ZFPM2: variants seen among roughly 807,000 people sequenced by gnomAD.
ZFPM2 encodes zinc finger protein, FOG family member 2.
Under a neutral mutation model 98.6 loss-of-function variants are expected in ZFPM2, and 20 were observed. That is an observed-to-expected ratio of 0.20 (90% confidence interval 0.14 to 0.29). The LOEUF is 0.29. ZFPM2 is among the 10% of genes least tolerant of loss of function. The probability of loss-of-function intolerance (pLI) is 1.00; values close to 1 mark genes in which losing one functional copy is unlikely to be tolerated. For missense variants in ZFPM2, 1,310 were observed against 1,388.6 expected (o/e 0.94, Z 0.90); for synonymous variants, 518 against 502.7 (o/e 1.03, Z -0.41).
chr8:105,337,862 C>T (rs1357511649), intron 1 of ZFPM2, among the ~76,000 whole-genome samples: 1 of 151,404 alleles, frequency 6.6e-6, no homozygotes, highest in Non-Finnish European at 1.5e-5. Context: ...AGTTATATTA[C>T]AACTTCACAT....
chr8:105,455,815 A>G (rs929954483), intron 3 of ZFPM2, among the ~76,000 whole-genome samples: 11 of 152,206 alleles, frequency 7.2e-5, no homozygotes, highest in African/African-American at 2.7e-4. Context: ...GATGAGTTGG[A>G]TTTTTAATAT....
intron 5 of ZFPM2, among the ~76,000 whole-genome samples, chr8:105,672,300 CTG>C (rs1369657148): frequency 6.6e-6 from 1 of 151,564 alleles, no homozygotes; most frequent in African/African-American, 2.4e-5. Flanking sequence ...TTGATTAACA[CTG>C]TATTACATTT....
At chr8:105,396,157 G>A (rs1811214383) in intron 1 of ZFPM2, among the ~76,000 whole-genome samples, 1 of 152,174 alleles carries the variant, frequency 6.6e-6, no homozygotes, top group Non-Finnish European at 1.5e-5. Context: ...ATCAAGTAAA[G>A]CTTGTCCATG....
At chr8:105,671,027 C>T (rs1449008667) in intron 5 of ZFPM2, among the ~76,000 whole-genome samples, 4 of 151,994 alleles carry the variant, frequency 2.6e-5, no homozygotes, top group African/African-American at 9.7e-5. Context: ...TTTACCATTA[C>T]TGTAATATAA....
intron 5 of ZFPM2, among the ~76,000 whole-genome samples, chr8:105,651,770 A>C (rs1262591575): frequency 1.3e-5 from 2 of 152,180 alleles, no homozygotes; most frequent in African/African-American, 4.8e-5. Context: ...TTGAATTATT[A>C]TGTAATGAGA....
intron 6 of ZFPM2, among the ~76,000 whole-genome samples, chr8:105,797,457 GATA>G (rs1813866852): frequency 1.3e-5 from 2 of 152,144 alleles, no homozygotes; most frequent in African/African-American, 4.8e-5. Flanking sequence ...CTGATTATGC[GATA>G]ATATCTGATT....
chr8:105,505,886 A>G (rs1813688894), intron 3 of ZFPM2, among the ~76,000 whole-genome samples: 1 of 152,152 alleles, frequency 6.6e-6, no homozygotes, highest in Non-Finnish European at 1.5e-5. Context: ...TATGAAGAAT[A>G]TTTTAGCCTG....
chr8:105,597,408 G>A (rs1413013146), intron 4 of ZFPM2, among the ~76,000 whole-genome samples: 2 of 152,008 alleles, frequency 1.3e-5, no homozygotes, highest in Middle Eastern at 3.2e-3. Flanking sequence ...ATGAAGTTGC[G>A]TGTGTGCATG....
intron 3 of ZFPM2, among the ~76,000 whole-genome samples, chr8:105,496,604 C>T (rs1813472596): frequency 6.6e-6 from 1 of 151,504 alleles, no homozygotes; most frequent in Non-Finnish European, 1.5e-5. Flanking sequence ...GAGGTGGTAT[C>T]TACAGGCCCA....
At chr8:105,517,371 TA>T (rs2130531499) in intron 3 of ZFPM2, among the ~76,000 whole-genome samples, 1 of 152,320 alleles carries the variant, frequency 6.6e-6, no homozygotes, top group Admixed American at 6.5e-5. Context: ...AAAAATTCTT[TA>T]AAGTTATTTT....
At chr8:105,767,931 G>C (rs1308333440) in intron 5 of ZFPM2, among the ~76,000 whole-genome samples, 4 of 151,940 alleles carry the variant, frequency 2.6e-5, no homozygotes, top group Non-Finnish European at 5.9e-5. Context: ...AGGGAGTGAA[G>C]GAGGCTGTTA....
rs527286721 is a variant in ZFPM2 at position 105,647,374 on chromosome 8, C to CT, written c.532+13026dup. On this transcript the variant is annotated intron_variant, in intron 5 of 7. Coordinates refer to ENST00000407775, the MANE Select transcript of ZFPM2 (RefSeq NM_012082.4). ...TCCTTAGTAGGAAGCCCCCTTTGCT[C>CT]TTTTTTTTTCTTTTTTATTATACTT... is the stretch of plus-strand genomic sequence containing the variant. Among the ~76,000 whole-genome samples, 431 of 151,240 alleles carry CT rather than the reference C, an allele frequency of 2.8e-3. 1 individual carries two copies. Among genetic ancestry groups the CT allele is most frequent in the African/African-American group, 6.6e-3 (271 of 41,198 alleles).
At chr8:105,412,814 A>G (rs1291014819) in intron 1 of ZFPM2, among the ~76,000 whole-genome samples, 3 of 151,832 alleles carry the variant, frequency 2.0e-5, no homozygotes, top group Middle Eastern at 3.4e-3. Flanking sequence ...TGGGATATGC[A>G]TGAGACAAAT....
intron 5 of ZFPM2, among the ~76,000 whole-genome samples, chr8:105,699,496 A>G (rs568453218): frequency 5.2e-4 from 79 of 152,206 alleles, no homozygotes; most frequent in Non-Finnish European, 9.0e-4. Flanking sequence ...AGTTTGGAGT[A>G]TTGTTTTGAA....
At chr8:105,448,448 C>T (rs1348893129) in intron 3 of ZFPM2, among the ~76,000 whole-genome samples, 1 of 151,674 alleles carries the variant, frequency 6.6e-6, no homozygotes, top group Non-Finnish European at 1.5e-5. Flanking sequence ...ATTTATCTTG[C>T]ATTTATTGTA....
chr8:105,394,899 T>C (rs1176949925), intron 1 of ZFPM2, among the ~76,000 whole-genome samples: 1 of 152,232 alleles, frequency 6.6e-6, no homozygotes, highest in Non-Finnish European at 1.5e-5. Context: ...GGGATGCCTG[T>C]TTGTGCCAGT....
intron 4 of ZFPM2, among the ~76,000 whole-genome samples, chr8:105,633,955 T>A (rs1816798785): frequency 6.6e-6 from 1 of 152,152 alleles, no homozygotes; most frequent in African/African-American, 2.4e-5. Flanking sequence ...TGCATTCTCT[T>A]TATAATTCAG....
chr8:105,356,625 A>C (rs1357836225), intron 1 of ZFPM2, among the ~76,000 whole-genome samples: 1 of 152,160 alleles, frequency 6.6e-6, no homozygotes, highest in East Asian at 1.9e-4. Flanking sequence ...TGATATATAT[A>C]TACAGTTTGC....
At chr8:105,445,787 T>A (rs1249695380) in intron 3 of ZFPM2, among the ~76,000 whole-genome samples, 1 of 151,936 alleles carries the variant, frequency 6.6e-6, no homozygotes, top group East Asian at 1.9e-4. Flanking sequence ...ATATTTTTTG[T>A]AGAGACTGGG....
Sources: gnomAD v4.1 joint callset for allele counts (sites outside exome capture counted in the v4.1 genomes callset) on GRCh38, gnomAD v4.1.1 for gene constraint, MANE v1.5 for transcripts, NCBI Gene and HGNC (gene_info 2026-07-23, HGNC 2026-07-21) for gene names.